The following NAE1 variants were observed in gnomAD, a reference collection of about 807,000 sequenced individuals.
The protein encoded by NAE1 is NEDD8-activating enzyme E1 regulatory subunit.
In NAE1, 59 loss-of-function variants were observed where a neutral mutation model predicts 88.0. That is an observed-to-expected ratio of 0.67 (90% CI 0.54 to 0.83). NAE1 has a LOEUF of 0.83. Among genes scored for constraint, NAE1 ranks in the 40% least tolerant of loss-of-function variants. The pLI is 0.00. For missense variants in NAE1, 554 were observed against 632.8 expected (o/e 0.88, Z 1.34); for synonymous variants, 186 against 208.9 (o/e 0.89, Z 0.95).
Position 66,823,237 on chromosome 16 carries a change from G to T in NAE1, c.391C>A (p.Leu131Ile). 1 of 1,582,258 alleles carries T rather than the reference G, an allele frequency of 6.3e-7. No individual in the cohort carries two copies. The highest frequency in any genetic ancestry group is 8.6e-7 in the Non-Finnish European group (1 of 1,165,276). Residue 131 changes from leucine to isoleucine, a missense_variant, in exon 6 of 20, where the codon CTT (leucine) becomes ATT (isoleucine). Physicochemically the swap from Leu to Ile is conservative, Grantham distance 5 (BLOSUM62 2). Transcript: ENST00000290810. Reference sequence around the variant, plus strand: ...AACATAAAAATTTACCTTTCAGGAAGCTGAGTTGCAACTACAACAGTAAAC... The same window carrying T: ...AACATAAAAATTTACCTTTCAGGAATCTGAGTTGCAACTACAACAGTAAAC... ...CRFTVVVATQ[L>I]PESTSLRLAD...
In NAE1 at chr16:66,802,881, CA is replaced by C; in HGVS notation, c.*127del. ...CACAAAGAACAAGACTACATTATTA[CA>C]AATGAGAAAAATGTTTATTAAGAAA... is the stretch of plus-strand genomic sequence containing the variant. On this transcript the variant is annotated 3_prime_UTR_variant, in exon 20 of 20. Coordinates refer to ENST00000290810, the MANE Select transcript of NAE1 (RefSeq NM_003905.4). 1 of 665,714 alleles carries C rather than the reference CA, an allele frequency of 1.5e-6. No homozygotes were observed. The highest frequency in any genetic ancestry group is 1.7e-5 in the South Asian group (1 of 57,624). 41.2% of individuals were successfully genotyped at this position (665,714 alleles called of 1,614,324 possible).
rs1960094283 is a variant in NAE1, at chr16:66,817,496, G to A, written c.622-9C>T. On this transcript the variant is annotated splice_polypyrimidine_tract_variant and intron_variant, in intron 8 of 19. Transcript: ENST00000290810. ...GGAGTATGACTGTGGTCCTAAAAAT[G>A]AGAGACAAATAAAAGAAAATATCAG... 1 of 1,535,690 alleles carries A rather than the reference G, an allele frequency of 6.5e-7. No homozygotes were observed. The highest frequency in any genetic ancestry group is 2.3e-5 in the East Asian group (1 of 42,890).
In NAE1 at chr16:66,805,786, A is replaced by G; in HGVS notation, c.1486T>C (p.Phe496Leu). 4.0e-6 allele frequency: 6 copies of G among 1,503,176 alleles called. No homozygotes were observed. The highest frequency in any genetic ancestry group is 5.3e-6 in the Non-Finnish European group (6 of 1,131,260). 93.1% of individuals were successfully genotyped at this position (1,503,176 alleles called of 1,614,324 possible). A position where few individuals can be genotyped will look rare whatever the true frequency, so the allele number is the denominator to read the frequency against. The part of the protein sequence containing the change: ...GAAEPHTIAA[F>L]LGGAAAQEVI... ...CATATATGGAACTCACCCCCCAAGA[A>G]TGCAGCAATGGTATGTGGCTCAGCA... The change falls in exon 19 of 20, where the codon TTC (phenylalanine) becomes CTC (leucine). Residue 496 changes from phenylalanine to leucine, a missense_variant. Transcript: ENST00000290810.
intron 7 of NAE1, among the ~76,000 whole-genome samples, chr16:66,820,604 A>G (rs1244750754): frequency 6.6e-6 from 1 of 152,110 alleles, no homozygotes; most frequent in African/African-American, 2.4e-5. Flanking sequence ...CTAAAAATGC[A>G]AAAAATTAGC....
Position 66,816,635 on chromosome 16 carries a change from T to C in NAE1, c.786A>G (p.Glu262=), listed in dbSNP as rs776894137. The C allele has an allele frequency of 6.2e-7, 1 of 1,612,638 alleles. No homozygotes were observed. The highest frequency in any genetic ancestry group is 8.5e-7 in the Non-Finnish European group (1 of 1,179,110). Residue 262 remains glutamate (E), a synonymous_variant, in exon 11 of 20, where the codon GAA becomes GAG. Coordinates refer to ENST00000290810, the MANE Select transcript of NAE1 (RefSeq NM_003905.4). ...LKNENGAPED[E]ENFEEAIKNV... is the part of the protein sequence containing the mutation. ...TTTTAATAGCTTCTTCAAAATTCTCTTCATCTTCTGGAGCCCCATTTTCAT... is the reference window on the plus strand; with the variant it reads ...TTTTAATAGCTTCTTCAAAATTCTCCTCATCTTCTGGAGCCCCATTTTCAT...
chr16:66,823,716 A>G (rs1011789411), intron 4 of NAE1, 116 bp from the exon 5 acceptor site: 2 of 754,860 alleles, frequency 2.6e-6, no homozygotes, highest in African/African-American at 1.8e-5. Flanking sequence ...ATGCATAAGT[A>G]TGACAACTCT....
chr16:66,828,949 A>G (rs1232212169), intron 1 of NAE1, among the ~76,000 whole-genome samples: 1 of 151,732 alleles, frequency 6.6e-6, no homozygotes, highest in East Asian at 1.9e-4. Context: ...CACTCTAGCC[A>G]CTGCACTCTA....
intron 19 of NAE1, among the ~76,000 whole-genome samples, chr16:66,803,984 C>T (rs1274941778): frequency 2.0e-5 from 3 of 152,090 alleles, no homozygotes; most frequent in Non-Finnish European, 4.4e-5. Flanking sequence ...TCCACTTACC[C>T]TCATGCTACT....
intron 19 of NAE1, among the ~76,000 whole-genome samples, chr16:66,804,253 A>AC (rs1567485274): frequency 6.6e-6 from 1 of 151,834 alleles, no homozygotes; most frequent in African/African-American, 2.4e-5. Context: ...AAAAAAAAAA[A>AC]AACAAAGAAA....
At position 66,813,648 on chromosome 16, in the gene NAE1, T is replaced by C. The variant is rs1959912441; in HGVS notation, c.950A>G (p.Lys317Arg). Reference protein sequence around the residue: ...LARALKEFVAKEGQGNLPVRG... With the variant: ...LARALKEFVAREGQGNLPVRG... Reference sequence around the variant, plus strand: ...AACAGGTAAATTTCCTTGACCCTCTTTGGCCACAAATTCCTTTAAGGCACG... The same window carrying C: ...AACAGGTAAATTTCCTTGACCCTCTCTGGCCACAAATTCCTTTAAGGCACG... The change falls in exon 13 of 20, where the codon AAA becomes AGA. Residue 317 changes from lysine (K) to arginine (R), a missense_variant. By Grantham distance (26) the Lys-to-Arg change is conservative. Transcript: ENST00000290810. 1.2e-6 allele frequency: 2 copies of C among 1,614,028 alleles called. No homozygotes were observed. Among genetic ancestry groups the C allele is most frequent in the Non-Finnish European group, 8.5e-7 (1 of 1,179,934 alleles).
At chr16:66,814,277 A>AG (rs1959943355) in intron 11 of NAE1, among the ~76,000 whole-genome samples, 1 of 152,188 alleles carries the variant, frequency 6.6e-6, no homozygotes, top group African/African-American at 2.4e-5. Context: ...TTTTATTGCT[A>AG]GCAAGATCTT....
Position 66,830,880 on chromosome 16 carries a change from A to C in NAE1, c.20T>G (p.Leu7Arg), listed in dbSNP as rs1240461645. 2 of 1,534,256 alleles carry C rather than the reference A, an allele frequency of 1.3e-6. No individual in the cohort carries two copies. Among genetic ancestry groups the C allele is most frequent in the African/African-American group, 2.9e-5 (2 of 69,998 alleles). ...CCGGTCGTACTTCTGCTCCTTGAGC[A>C]GCTTTCCCAGCTGCGCCATGGCCGC... MAQLGK[L>R]LKEQKYDRQL... Residue 7 changes from leucine (L) to arginine (R), a missense_variant, in exon 1 of 20, where the codon CTG becomes CGG. Physicochemically the swap from Leu to Arg is moderately radical, Grantham distance 102. Transcript: ENST00000290810.
chr16:66,817,628 T>C, intron 8 of NAE1, 141 bp from the exon 9 acceptor site: 1 of 570,550 alleles, frequency 1.8e-6, no homozygotes, highest in Non-Finnish European at 2.9e-6. Context: ...ACTGAGTTAA[T>C]AAAAACTGCT....
intron 1 of NAE1, 102 bp from the exon 2 acceptor site, chr16:66,826,882 G>A: frequency 9.9e-7 from 1 of 1,006,836 alleles, no homozygotes; most frequent in Non-Finnish European, 1.5e-6. Context: ...AGACTGATAT[G>A]ATAACCACAG....
chr16:66,824,918 A>C, intron 3 of NAE1, 33 bp from the exon 4 acceptor site: 2 of 1,581,622 alleles, frequency 1.3e-6, no homozygotes, highest in South Asian at 1.2e-5. Flanking sequence ...AAAAAAAGTA[A>C]AGCTTACTGA....
rs117343234 is a variant in NAE1 at position 66,805,199 on chromosome 16, A to C, written c.1495+578T>G. On this transcript the variant is annotated intron_variant, in intron 19 of 19. Transcript: ENST00000290810. ...GGAAAGCAAGTAATATGATAAAACC[A>C]AGGCTGGAAAGGCCGAGTGGAACCA... is the stretch of plus-strand genomic sequence containing the variant. 5.4e-3 allele frequency among the ~76,000 whole-genome samples: 824 copies of C among 152,280 alleles called. 5 individuals are homozygous for C. Among genetic ancestry groups the C allele is most frequent in the Non-Finnish European group, 9.4e-3 (637 of 68,024 alleles).
At chr16:66,830,520 G>A (rs1263923794) in intron 1 of NAE1, among the ~76,000 whole-genome samples, 1 of 152,226 alleles carries the variant, frequency 6.6e-6, no homozygotes, top group Non-Finnish European at 1.5e-5. Context: ...TCGCGGCCGG[G>A]ATGCGGTGCG....
At chr16:66,816,277 TG>T (rs1960041522) in intron 11 of NAE1, among the ~76,000 whole-genome samples, 1 of 152,248 alleles carries the variant, frequency 6.6e-6, no homozygotes, top group Admixed American at 6.5e-5. Flanking sequence ...GTGATTCTCC[TG>T]CCTCAGCCTC....
At chr16:66,816,324 C>G (rs1960043714) in intron 11 of NAE1, among the ~76,000 whole-genome samples, 1 of 151,938 alleles carries the variant, frequency 6.6e-6, no homozygotes, top group South Asian at 2.1e-4. Flanking sequence ...TTCACCATGC[C>G]CAGCTAATTT....
Sources: allele counts gnomAD v4.1 joint callset (sites outside exome capture counted in the v4.1 genomes callset), GRCh38; gene constraint gnomAD v4.1.1; transcripts MANE v1.5; gene names NCBI Gene and HGNC (gene_info 2026-07-23, HGNC 2026-07-21).